The following ALDH7A1 variants were observed in gnomAD, a reference collection of about 807,000 sequenced individuals.
ALDH7A1 encodes the protein aldehyde dehydrogenase 7 family member A1.
A neutral mutation model predicts 79.9 loss-of-function variants in ALDH7A1; 63 were observed. The ratio of observed to expected loss-of-function variants is 0.79; its 90% CI spans 0.64 to 0.97. The LOEUF (loss-of-function observed/expected upper bound fraction) is 0.97. ALDH7A1 is among the 50% of genes least tolerant of loss of function. The pLI is 0.00. For synonymous variants in ALDH7A1, 240 were observed against 231.2 expected (o/e 1.04, Z -0.34); for missense variants, 627 against 665.2 (o/e 0.94, Z 0.63).
Position 126,588,475 on chromosome 5 carries a change from T to G in ALDH7A1, c.312+4189A>C, listed in dbSNP as rs1441145737. The G allele has an allele frequency of 2.0e-5, 3 of 152,134 alleles. No homozygotes were observed. The East Asian group carries it at 5.8e-4, about 29-fold the overall frequency. 9.4% of individuals were successfully genotyped at this position (152,134 alleles called of 1,614,324 possible). ...GCCTAGGCAAGAGCAAGACTCAGTC[T>G]CAGAATAAAAACCAGTTCAGGAAAA... On this transcript the variant is annotated intron_variant, in intron 3 of 17. Transcript: ENST00000409134.
chr5:126,578,459 C>G (rs918316823), intron 5 of ALDH7A1, among the ~76,000 whole-genome samples: 1 of 151,644 alleles, frequency 6.6e-6, no homozygotes, highest in Non-Finnish European at 1.5e-5. Flanking sequence ...ATCAACATGG[C>G]AAGACCCCTG....
At chr5:126,572,372 A>G (rs532573145) in intron 7 of ALDH7A1, among the ~76,000 whole-genome samples, 105 of 152,278 alleles carry the variant, frequency 6.9e-4, no homozygotes, top group African/African-American at 2.5e-3. Context: ...CCGGGTGTCT[A>G]TATTGTCTGC....
chr5:126,593,264 T>A, intron 2 of ALDH7A1, 87 bp downstream of exon 2: 1 of 1,572,702 alleles, frequency 6.4e-7, no homozygotes, highest in Non-Finnish European at 8.6e-7. Context: ...GGCTTCTGCC[T>A]CTAAAGAAAG....
intron 7 of ALDH7A1, among the ~76,000 whole-genome samples, chr5:126,575,023 G>GT (rs1197428815): frequency 6.6e-6 from 1 of 152,176 alleles, no homozygotes; most frequent in Admixed American, 6.5e-5. Flanking sequence ...GTAATAATCA[G>GT]TTTTGTTAAC....
At chr5:126,580,306 A>G (rs1751128662) in intron 5 of ALDH7A1, among the ~76,000 whole-genome samples, 1 of 152,132 alleles carries the variant, frequency 6.6e-6, no homozygotes, top group African/African-American at 2.4e-5. Context: ...CATGTTGGTC[A>G]GGCTGGTCTT....
At chr5:126,545,542 C>T (rs1004369525) in intron 17 of ALDH7A1, among the ~76,000 whole-genome samples, 1 of 146,960 alleles carries the variant, frequency 6.8e-6, no homozygotes, top group Non-Finnish European at 1.5e-5. Flanking sequence ...GGATTACAGG[C>T]ATGAGCCACT....
chr5:126,545,930 C>T (rs991174729), intron 17 of ALDH7A1, among the ~76,000 whole-genome samples: 4 of 151,852 alleles, frequency 2.6e-5, no homozygotes, highest in Admixed American at 6.6e-5. Context: ...CTGGCCAACA[C>T]GGTGAAACCC....
rs1749729907 is a variant in ALDH7A1, at chr5:126,544,791, G to A, written c.*174C>T. ...GGCTATGTTGTAACAATTTTATTTT[G>A]ATTTTTAAAAAAGGAATCTCTTGAT... On this transcript the variant is annotated 3_prime_UTR_variant, in exon 18 of 18. Coordinates refer to ENST00000409134, the MANE Select transcript of ALDH7A1 (RefSeq NM_001182.5). 1.1e-5 allele frequency: 7 copies of A among 613,360 alleles called. No homozygotes were observed. The South Asian group carries it at 1.2e-4, about 10-fold the overall frequency. 38.0% of individuals were successfully genotyped at this position (613,360 alleles called of 1,614,324 possible). A position where few individuals can be genotyped will look rare whatever the true frequency, so the allele number is the denominator to read the frequency against.
At position 126,568,240 on chromosome 5, in the gene ALDH7A1, T is replaced by C. The variant is rs767268119; in HGVS notation, c.871+19A>G. Reference sequence around the variant, plus strand: ...ATATTTGAGAGAATTAAAATCCTCATTAGAAAGCCAACACTTACCAAACCT... The same window carrying C: ...ATATTTGAGAGAATTAAAATCCTCACTAGAAAGCCAACACTTACCAAACCT... On this transcript the variant is annotated intron_variant, in intron 9 of 17. Coordinates refer to ENST00000409134, the MANE Select transcript of ALDH7A1 (RefSeq NM_001182.5). 1.1e-5 allele frequency: 17 copies of C among 1,612,228 alleles called. No homozygotes were observed. Among genetic ancestry groups the C allele is most frequent in the South Asian group, 3.3e-5 (3 of 91,040 alleles).
intron 7 of ALDH7A1, among the ~76,000 whole-genome samples, chr5:126,572,442 T>C (rs1356339179): frequency 6.6e-6 from 1 of 152,132 alleles, no homozygotes; most frequent in Non-Finnish European, 1.5e-5. Flanking sequence ...TGGGTAAAGG[T>C]TAACAAACCC....
At chr5:126,559,120 C>T (rs1750304415) in intron 11 of ALDH7A1, 120 bp downstream of exon 11, 10 of 801,170 alleles carry the variant, frequency 1.2e-5, no homozygotes, top group Admixed American at 2.0e-5. Context: ...CACATATTTG[C>T]CAGCCACATC....
At chr5:126,584,114 C>G (rs893969748) in intron 3 of ALDH7A1, 102 bp from the exon 4 acceptor site, 1 of 1,026,092 alleles carries the variant, frequency 9.7e-7, no homozygotes, top group African/African-American at 1.6e-5. Flanking sequence ...ACAATCATAT[C>G]AAAGAAGACT....
intron 6 of ALDH7A1, 104 bp from the exon 7 acceptor site, chr5:126,575,568 G>A (rs1750936748): frequency 9.7e-7 from 1 of 1,029,168 alleles, no homozygotes. Context: ...AAAAAGCTCT[G>A]TCCAATTAGA....
At chr5:126,585,049 A>G (rs1256706559) in intron 3 of ALDH7A1, among the ~76,000 whole-genome samples, 1 of 152,210 alleles carries the variant, frequency 6.6e-6, no homozygotes, top group Non-Finnish European at 1.5e-5. Context: ...CTATAATCCC[A>G]GCACTTGAGA....
chr5:126,567,622 T>C (rs1408112268), intron 9 of ALDH7A1, among the ~76,000 whole-genome samples: 3 of 144,956 alleles, frequency 2.1e-5, no homozygotes, highest in African/African-American at 2.6e-5. Context: ...TACAGGCACA[T>C]GCCACCACGC....
At chr5:126,565,520 T>A (rs1210761480) in intron 9 of ALDH7A1, among the ~76,000 whole-genome samples, 1 of 150,970 alleles carries the variant, frequency 6.6e-6, no homozygotes, top group East Asian at 2.0e-4. Context: ...AAGTTCCTTA[T>A]CAAATGACTT....
intron 3 of ALDH7A1, among the ~76,000 whole-genome samples, chr5:126,590,935 T>A (rs947523674): frequency 4.1e-5 from 6 of 147,896 alleles, no homozygotes. Context: ...AATGCAAGCA[T>A]CACAGGTCAC....
At position 126,545,007 on chromosome 5, in the gene ALDH7A1, G is replaced by A. The variant is rs538884744; in HGVS notation, c.1578C>T (p.Tyr526=). The part of the protein sequence containing the change: ...YMRRSTCTIN[Y]SKDLPLAQGI... ...CTTGGGCCAGAGGAAGGTCTTTACTGTAGTTGATAGTACTAGTGGGAAAAA... is the reference window on the plus strand; with the variant it reads ...CTTGGGCCAGAGGAAGGTCTTTACTATAGTTGATAGTACTAGTGGGAAAAA... The change falls in exon 18 of 18, where the codon TAC becomes TAT. Residue 526 remains tyrosine, a synonymous_variant. Transcript: ENST00000409134. 1.2e-6 allele frequency: 2 copies of A among 1,608,558 alleles called. No homozygotes were observed. Among genetic ancestry groups the A allele is most frequent in the South Asian group, 2.2e-5 (2 of 90,958 alleles).
At chr5:126,589,771 C>A (rs2112811840) in intron 3 of ALDH7A1, among the ~76,000 whole-genome samples, 1 of 150,656 alleles carries the variant, frequency 6.6e-6, no homozygotes, top group African/African-American at 2.4e-5. Context: ...ACCCAACTGA[C>A]TGGGAAGTGA....
Sources: allele counts gnomAD v4.1 joint callset (sites outside exome capture counted in the v4.1 genomes callset), GRCh38; gene constraint gnomAD v4.1.1; transcripts MANE v1.5; gene names NCBI Gene and HGNC (gene_info 2026-07-23, HGNC 2026-07-21).